The following DACH2 variants were observed in gnomAD, a reference collection of about 807,000 sequenced individuals.
DACH2 encodes dachshund homolog 2.
In DACH2, 17 loss-of-function variants were observed where a neutral mutation model predicts 35.8. The observed-to-expected ratio is 0.48, with a 90% CI of 0.33 to 0.71. The LOEUF (loss-of-function observed/expected upper bound fraction) is 0.71, where lower values mean the gene tolerates loss of function less well. Ranked by LOEUF, DACH2 falls within the 30% of genes least tolerant of loss-of-function variation. The probability of loss-of-function intolerance (pLI) is 0.02; values close to 1 mark genes in which losing one functional copy is unlikely to be tolerated. For synonymous variants in DACH2, 195 were observed against 177.3 expected (o/e 1.10, Z -0.79); for missense variants, 469 against 472.7 (o/e 0.99, Z 0.07).
chrX:86,359,084 CGTGTGTGTGTGTGT>C (rs1556037574), intron 1 of DACH2, among the ~76,000 whole-genome samples: 1 of 98,490 alleles, frequency 1.0e-5, no homozygotes, highest in African/African-American at 3.7e-5. Context: ...TATATTTTGT[CGTGTGTGTGTGTGT>C]GTGTGTGTGT....
At chrX:86,472,746 A>G (rs1374306468) in intron 2 of DACH2, among the ~76,000 whole-genome samples, 1 of 112,004 alleles carries the variant, frequency 8.9e-6, no homozygotes, top group African/African-American at 3.2e-5. Context: ...TGATAATTCA[A>G]TTCCATGTAG....
rs186490906 is a variant in DACH2 at position 86,646,499 on chromosome X, A to G, written c.641-4537A>G. Among the ~76,000 whole-genome samples, 33 of 110,445 alleles carry G rather than the reference A, an allele frequency of 3.0e-4. 1 individual carries two copies. The East Asian group carries it at 7.7e-3, about 26-fold the overall frequency. ...TGACATGACAAAACTGATAGAAGAA[A>G]ACATAGGGAAAAAATTTCTTGATAT... On this transcript the variant is annotated intron_variant, in intron 3 of 11. Transcript: ENST00000373125.
At chrX:86,384,905 C>T (rs1221719402) in intron 2 of DACH2, among the ~76,000 whole-genome samples, 1 of 111,551 alleles carries the variant, frequency 9.0e-6, no homozygotes, top group East Asian at 2.8e-4. Flanking sequence ...ACAGCAGCCA[C>T]GCTTTACAAT....
intron 1 of DACH2, among the ~76,000 whole-genome samples, chrX:86,334,323 G>A (rs746260180): frequency 6.1e-4 from 68 of 111,997 alleles, no homozygotes; most frequent in African/African-American, 2.1e-3. Context: ...AGATCCTTGA[G>A]GAATTGCCAC....
intron 7 of DACH2, among the ~76,000 whole-genome samples, chrX:86,743,834 A>G (rs1322674572): frequency 9.0e-6 from 1 of 110,764 alleles, no homozygotes; most frequent in Non-Finnish European, 1.9e-5. Context: ...AACTACCCAA[A>G]CTCTTGCACA....
At chrX:86,578,455 G>T (rs969673627) in intron 3 of DACH2, among the ~76,000 whole-genome samples, 3 of 111,013 alleles carry the variant, frequency 2.7e-5, no homozygotes, top group Non-Finnish European at 5.7e-5. Context: ...TATTTACTCA[G>T]ATTTCCTTGG....
intron 5 of DACH2, among the ~76,000 whole-genome samples, 196 bp downstream of exon 5, chrX:86,695,375 A>C (rs1407510735): frequency 3.6e-5 from 4 of 110,005 alleles, no homozygotes; most frequent in Non-Finnish European, 7.6e-5. Context: ...TAAATCTTAA[A>C]TACATATAAG....
rs181923165 is a variant in DACH2, at chrX:86,212,392, T to C, written c.488+63284T>C. Among the ~76,000 whole-genome samples, 202 of 111,630 alleles carry C rather than the reference T, an allele frequency of 1.8e-3. 1 individual carries two copies. Among genetic ancestry groups the C allele is most frequent in the South Asian group, 0.012 (32 of 2,727 alleles). ...AATGTTTTGAACTGAGAAATTTTTA[T>C]GAATCATGATAAATGTGACTACTTT... On this transcript the variant is annotated intron_variant, in intron 1 of 11. Transcript: ENST00000373125.
At chrX:86,333,894 T>C (rs1288604298) in intron 1 of DACH2, among the ~76,000 whole-genome samples, 1 of 111,513 alleles carries the variant, frequency 9.0e-6, no homozygotes, top group Non-Finnish European at 1.9e-5. Flanking sequence ...CTCCTAATGC[T>C]ATCCCTCTCC....
chrX:86,527,820 G>A (rs2038655971), intron 3 of DACH2, among the ~76,000 whole-genome samples: 2 of 111,666 alleles, frequency 1.8e-5, no homozygotes, highest in Non-Finnish European at 3.8e-5. Flanking sequence ...GCTATGTATG[G>A]TTGTTCATAT....
chrX:86,379,452 A>G (rs551104611), intron 2 of DACH2, among the ~76,000 whole-genome samples: 2 of 109,423 alleles, frequency 1.8e-5, no homozygotes, highest in African/African-American at 6.6e-5. Flanking sequence ...ATCCAAAAGC[A>G]TATTTGTCTA....
intron 7 of DACH2, among the ~76,000 whole-genome samples, chrX:86,768,422 G>C (rs1402211452): frequency 6.3e-5 from 7 of 110,966 alleles, no homozygotes; most frequent in Non-Finnish European, 1.3e-4. Context: ...TTCCCTGTAG[G>C]TTAGCATATG....
chrX:86,592,689 G>A (rs984154432), intron 3 of DACH2, among the ~76,000 whole-genome samples: 2 of 111,656 alleles, frequency 1.8e-5, no homozygotes, highest in Admixed American at 1.9e-4. Flanking sequence ...AGGTCTACAT[G>A]GATTTCTGTT....
At position 86,760,874 on chromosome X, in the gene DACH2, T is replaced by C. The variant is rs774910748; in HGVS notation, c.1240+20992T>C. On this transcript the variant is annotated intron_variant, in intron 7 of 11. Coordinates refer to ENST00000373125, the MANE Select transcript of DACH2 (RefSeq NM_053281.3). ...CCAATTTTTTGCTTTAAATTTGCTT[T>C]CTTAATGGAGGACTTTTTCCTAAAG... 1.4e-4 allele frequency among the ~76,000 whole-genome samples: 16 copies of C among 110,899 alleles called. No homozygotes were observed. The South Asian group carries it at 6.1e-3, about 42-fold the overall frequency.
chrX:86,157,514 G>A (rs1280603423), intron 1 of DACH2, among the ~76,000 whole-genome samples: 1 of 111,569 alleles, frequency 9.0e-6, no homozygotes, highest in Non-Finnish European at 1.9e-5. Context: ...AAAAGAATTT[G>A]CAAGCTAAAC....
intron 1 of DACH2, among the ~76,000 whole-genome samples, chrX:86,281,574 C>T (rs2034029081): frequency 9.0e-6 from 1 of 111,238 alleles, no homozygotes; most frequent in Non-Finnish European, 1.9e-5. Flanking sequence ...GGAATCCTTC[C>T]CTTTGAAAAC....
chrX:86,325,648 G>A (rs764845055), intron 1 of DACH2, among the ~76,000 whole-genome samples: 6 of 112,392 alleles, frequency 5.3e-5, no homozygotes, highest in Non-Finnish European at 9.4e-5. Flanking sequence ...AGTGAGATCA[G>A]TTACTACTCA....
At chrX:86,554,310 GAAGT>G (rs772003434) in intron 3 of DACH2, among the ~76,000 whole-genome samples, 4 of 111,014 alleles carry the variant, frequency 3.6e-5, no homozygotes, top group African/African-American at 1.3e-4. Flanking sequence ...CAACATATAT[GAAGT>G]AAGTGTTTCT....
rs186108872 is a variant in DACH2 at position 86,440,797 on chromosome X, A to G, written c.527+63935A>G. ...GGATATTTAGCATATATATTGCCTC[A>G]TGTATTTATCATTTCTTTGTTGTGA... On this transcript the variant is annotated intron_variant, in intron 2 of 11. Coordinates refer to ENST00000373125, the MANE Select transcript of DACH2 (RefSeq NM_053281.3). Among the ~76,000 whole-genome samples, 31 of 111,478 alleles carry G rather than the reference A, an allele frequency of 2.8e-4. No homozygotes were observed. The East Asian group carries it at 3.4e-3, about 12-fold the overall frequency.
Sources: gnomAD v4.1 joint callset for allele counts (sites outside exome capture counted in the v4.1 genomes callset) on GRCh38, gnomAD v4.1.1 for gene constraint, MANE v1.5 for transcripts, NCBI Gene and HGNC (gene_info 2026-07-23, HGNC 2026-07-21) for gene names.